Variants in ABCD3 observed in about 807,000 individuals in gnomAD.
ABCD3 encodes ATP-binding cassette sub-family D member 3.
ABCD3 carries 41 observed loss-of-function variants against 105.5 expected under a neutral mutation model. The observed-to-expected ratio is 0.39, with a 90% confidence interval of 0.30 to 0.50. ABCD3 has a LOEUF of 0.50. Among genes scored for constraint, ABCD3 ranks in the 20% least tolerant of loss-of-function variants. The pLI, the probability that ABCD3 is intolerant of heterozygous loss-of-function variation, is 0.84. For synonymous variants in ABCD3, 258 were observed against 269.0 expected, an observed-to-expected ratio of 0.96 and a Z score of 0.40; for missense variants, 622 against 806.3, an observed-to-expected ratio of 0.77 and a Z score of 2.77.
intron 4 of ABCD3, among the ~76,000 whole-genome samples, chr1:94,473,539 T>A (rs912461916): frequency 5.3e-5 from 8 of 152,174 alleles, no homozygotes; most frequent in Non-Finnish European, 7.3e-5. Context: ...TAGTTATCAT[T>A]CTGTTTAATT....
At chr1:94,510,436 T>C (rs1650601293) in intron 21 of ABCD3, among the ~76,000 whole-genome samples, 1 of 152,154 alleles carries the variant, frequency 6.6e-6, no homozygotes, top group Non-Finnish European at 1.5e-5. Flanking sequence ...GGAATAGGTG[T>C]GGTGTGGTGC....
rs559497359 is a variant in ABCD3 at position 94,498,646 on chromosome 1, C to T, written c.1431C>T (p.Cys477=). The stretch of plus-strand genomic sequence containing the variant: ...TTCTAATTTGTGGTCCAAATGGCTG[C>T]GGAAAGAGTTCACTTTTCCGTGTTC... ...ANVLICGPNG[C]GKSSLFRVLG... The change falls in exon 17 of 23, where the codon TGC becomes TGT. Residue 477 remains cysteine, a synonymous_variant. Transcript: ENST00000370214. 2.2e-5 allele frequency: 36 copies of T among 1,611,462 alleles called. No homozygotes were observed. Among genetic ancestry groups the T allele is most frequent in the East Asian group, 6.7e-5 (3 of 44,776 alleles).
At chr1:94,462,791 G>T (rs1647942860) in intron 2 of ABCD3, among the ~76,000 whole-genome samples, 1 of 152,182 alleles carries the variant, frequency 6.6e-6, no homozygotes, top group Non-Finnish European at 1.5e-5. Flanking sequence ...TAGCAATAGA[G>T]AAGGGTGTTG....
chr1:94,424,032 T>C (rs1659371701), intron 1 of ABCD3, among the ~76,000 whole-genome samples: 1 of 152,158 alleles, frequency 6.6e-6, no homozygotes, highest in South Asian at 2.1e-4. Context: ...GTAGATGTTA[T>C]ATGGCCCCGT....
intron 1 of ABCD3, chr1:94,455,828 T>C: frequency 7.8e-7 from 1 of 1,280,306 alleles, no homozygotes; most frequent in Non-Finnish European, 1.0e-6. Flanking sequence ...TACATGTGTA[T>C]ATATATATTT....
the ABCD3 span, among the ~76,000 whole-genome samples, chr1:94,388,291 A>G: frequency 2.8e-4 from 42 of 152,304 alleles, no homozygotes; most frequent in South Asian, 6.2e-4. Flanking sequence ...ACTTATTGCC[A>G]CCCGCACAAA....
At chr1:94,421,944 A>G (rs988493624) in intron 1 of ABCD3, among the ~76,000 whole-genome samples, 21 of 152,286 alleles carry the variant, frequency 1.4e-4, no homozygotes, top group African/African-American at 5.1e-4. Context: ...ATATTCCTTC[A>G]TTAAAATCAT....
At chr1:94,504,845 T>C (rs977911294) in intron 20 of ABCD3, among the ~76,000 whole-genome samples, 1 of 152,146 alleles carries the variant, frequency 6.6e-6, no homozygotes, top group African/African-American at 2.4e-5. Context: ...GAGATGAGTG[T>C]GCTCTGGGCT....
At chr1:94,432,618 T>C (rs1182893127) in intron 1 of ABCD3, 1 of 152,210 alleles carries the variant, frequency 6.6e-6, no homozygotes, top group Non-Finnish European at 1.5e-5. Context: ...TATCTAATTA[T>C]GAGAGTCCTT....
chr1:94,489,689 G>T, intron 13 of ABCD3, 36 bp from the exon 14 acceptor site: 1 of 1,407,480 alleles, frequency 7.1e-7, no homozygotes, highest in East Asian at 2.3e-5. Flanking sequence ...CAATAGTCTG[G>T]AGTTTTGATT....
chr1:94,423,570 A>G (rs371430912), intron 1 of ABCD3, among the ~76,000 whole-genome samples: 49 of 152,320 alleles, frequency 3.2e-4, no homozygotes, highest in East Asian at 2.5e-3. Context: ...TGATTTCTCT[A>G]AAGAATCAAT....
In ABCD3 at chr1:94,517,698, G is replaced by A. The variant is rs1250622196; in HGVS notation, c.*569G>A. 1.3e-5 allele frequency: 2 copies of A among 156,308 alleles called. No homozygotes were observed. Among genetic ancestry groups the A allele is most frequent in the African/African-American group, 4.8e-5 (2 of 41,408 alleles). The allele number at this position is 156,308 out of a possible 1,614,324, so 9.7% of individuals were successfully genotyped here. ...ACTCATTCCTTGTGTGTGTCTTGGA[G>A]TGCATTTGACTCCAGGAAAAGCCAT... On this transcript the variant is annotated 3_prime_UTR_variant, in exon 23 of 23. Transcript: ENST00000370214.
chr1:94,518,634 A>G lies in ABCD3; in HGVS notation c.*1505A>G, dbSNP rs2101080042. ...AGATAGTTTAATCTTGACTTGAAAAACACAAAAATAAATTCAGAAAATGCT... is the reference window on the plus strand; with the variant it reads ...AGATAGTTTAATCTTGACTTGAAAAGCACAAAAATAAATTCAGAAAATGCT... On this transcript the variant is annotated 3_prime_UTR_variant, in exon 23 of 23. Transcript: ENST00000370214. 1 of 152,166 alleles carries G rather than the reference A, an allele frequency of 6.6e-6. No individual in the cohort carries two copies. The highest frequency in any genetic ancestry group is 2.4e-5 in the African/African-American group (1 of 41,544). 9.4% of individuals were successfully genotyped at this position (152,166 alleles called of 1,614,324 possible). A position where few individuals can be genotyped will look rare whatever the true frequency, so the allele number is the denominator to read the frequency against.
In ABCD3 at chr1:94,501,306, G is replaced by A. The variant is rs368143902; in HGVS notation, c.1740+1692G>A. Among the ~76,000 whole-genome samples the A allele has an allele frequency of 9.3e-5, 14 of 151,004 alleles. No individual in the cohort carries two copies. In the South Asian group the frequency reaches 1.3e-3, roughly 14 times the overall value. On this transcript the variant is annotated intron_variant, in intron 20 of 22. Transcript: ENST00000370214. ...AAAACACATGATCCATAATAGAGGC[G>A]TTTGGGAAATGGGGAAAGCTCACCT...
the ABCD3 span, among the ~76,000 whole-genome samples, chr1:94,402,027 G>T: frequency 9.9e-5 from 15 of 152,102 alleles, no homozygotes; most frequent in East Asian, 2.7e-3. Flanking sequence ...GCCTGTTCTC[G>T]CATTTGTATT....
At chr1:94,414,166 G>A (rs1043316572), upstream of ABCD3, among the ~76,000 whole-genome samples, 1 of 152,152 alleles carries the variant, frequency 6.6e-6, no homozygotes, top group African/African-American at 2.4e-5. Flanking sequence ...GGGTTTGTGT[G>A]AGATGCTAAG....
chr1:94,427,280 G>A (rs1659504804), intron 1 of ABCD3, among the ~76,000 whole-genome samples: 1 of 151,974 alleles, frequency 6.6e-6, no homozygotes, highest in Admixed American at 6.6e-5. Flanking sequence ...TATTAGCCTT[G>A]GTCTCTTACA....
intron 22 of ABCD3, 93 bp downstream of exon 22, chr1:94,515,295 A>G (rs1463959105): frequency 9.4e-7 from 1 of 1,068,608 alleles, no homozygotes; most frequent in Admixed American, 1.8e-5. Flanking sequence ...TATGGTTTGT[A>G]TTCCCTTAAA....
chr1:94,400,774 A>G, the ABCD3 span, among the ~76,000 whole-genome samples: 1 of 152,174 alleles, frequency 6.6e-6, no homozygotes, highest in African/African-American at 2.4e-5. Flanking sequence ...CATTATTACC[A>G]CTGTGCAGTT....
Sources: gnomAD v4.1 joint callset for allele counts (sites outside exome capture counted in the v4.1 genomes callset) on GRCh38, gnomAD v4.1.1 for gene constraint, MANE v1.5 for transcripts, NCBI Gene and HGNC (gene_info 2026-07-23, HGNC 2026-07-21) for gene names.